AKAP6: variants seen among roughly 807,000 people sequenced by gnomAD.
AKAP6 encodes A-kinase anchor protein 6.
AKAP6 carries 58 observed loss-of-function variants against 188.5 expected under a neutral mutation model. That is an observed-to-expected ratio of 0.31 (90% CI 0.25 to 0.38). The LOEUF (loss-of-function observed/expected upper bound fraction) is 0.38, where lower values mean the gene tolerates loss of function less well. Among genes scored for constraint, AKAP6 ranks in the 10% least tolerant of loss-of-function variants. The pLI is 1.00. For missense variants in AKAP6, 2,710 were observed against 2,740.0 expected (o/e 0.99, Z 0.24); for synonymous variants, 989 against 998.6 (o/e 0.99, Z 0.18).
intron 11 of AKAP6, among the ~76,000 whole-genome samples, chr14:32,766,074 G>A (rs568963847): frequency 6.6e-6 from 1 of 152,102 alleles, no homozygotes; most frequent in Non-Finnish European, 1.5e-5. Context: ...CTATGTATTT[G>A]CCTATTCTGG....
At chr14:32,421,573 A>G (rs552574899) in intron 1 of AKAP6, among the ~76,000 whole-genome samples, 3 of 151,984 alleles carry the variant, frequency 2.0e-5, no homozygotes, top group Non-Finnish European at 4.4e-5. Flanking sequence ...TACCGAAATC[A>G]TATTTTCCAT....
intron 5 of AKAP6, among the ~76,000 whole-genome samples, chr14:32,594,695 A>G (rs1347433406): frequency 6.6e-6 from 1 of 152,196 alleles, no homozygotes; most frequent in Non-Finnish European, 1.5e-5. Context: ...CCTGAGGCAG[A>G]TAGCAGGTGA....
At chr14:32,811,412 G>A (rs955104349) in intron 12 of AKAP6, among the ~76,000 whole-genome samples, 1 of 151,904 alleles carries the variant, frequency 6.6e-6, no homozygotes, top group Admixed American at 6.6e-5. Flanking sequence ...TATTTGAGAG[G>A]AGCAAACAAG....
intron 11 of AKAP6, among the ~76,000 whole-genome samples, chr14:32,745,024 T>C (rs1018083915): frequency 2.6e-5 from 4 of 152,180 alleles, no homozygotes; most frequent in Non-Finnish European, 5.9e-5. Context: ...CTTGAATTCT[T>C]TGAGTTTTTG....
At chr14:32,581,151 T>G (rs1360479778) in intron 5 of AKAP6, among the ~76,000 whole-genome samples, 1 of 152,224 alleles carries the variant, frequency 6.6e-6, no homozygotes, top group African/African-American at 2.4e-5. Context: ...ATGGTTGAGC[T>G]AGTTTACAGT....
intron 11 of AKAP6, among the ~76,000 whole-genome samples, chr14:32,741,829 T>G (rs1182262722): frequency 2.7e-5 from 4 of 147,282 alleles, no homozygotes; most frequent in South Asian, 2.2e-4. Context: ...GTTTTTTTTT[T>G]TTTTTTTTTT....
At chr14:32,804,507 G>T (rs928091645) in intron 12 of AKAP6, among the ~76,000 whole-genome samples, 1 of 152,146 alleles carries the variant, frequency 6.6e-6, no homozygotes, top group Non-Finnish European at 1.5e-5. Context: ...GCTTCAAAGG[G>T]CAAAAAGCAG....
chr14:32,829,254 A>G (rs1314063204), intron 13 of AKAP6, among the ~76,000 whole-genome samples: 1 of 134,498 alleles, frequency 7.4e-6, no homozygotes, highest in Non-Finnish European at 1.7e-5. Context: ...TGTACCTTAA[A>G]TGAAATGCAT....
chr14:32,559,391 A>G (rs919131280), intron 4 of AKAP6, among the ~76,000 whole-genome samples: 5 of 152,204 alleles, frequency 3.3e-5, no homozygotes, highest in Admixed American at 3.3e-4. Flanking sequence ...GAAGGAAGAA[A>G]TCTGGGTTTT....
At chr14:32,480,156 A>G (rs1033252827) in intron 2 of AKAP6, among the ~76,000 whole-genome samples, 3 of 152,192 alleles carry the variant, frequency 2.0e-5, no homozygotes, top group African/African-American at 7.2e-5. Flanking sequence ...TTCCTAATTC[A>G]AACAAATGAT....
intron 2 of AKAP6, among the ~76,000 whole-genome samples, chr14:32,518,077 C>T (rs1881616610): frequency 6.6e-6 from 1 of 152,182 alleles, no homozygotes; most frequent in Non-Finnish European, 1.5e-5. Flanking sequence ...GATACCCAGG[C>T]AAACAGGTTC....
chr14:32,614,029 C>T (rs1886457939), intron 7 of AKAP6, among the ~76,000 whole-genome samples: 1 of 152,154 alleles, frequency 6.6e-6, no homozygotes. Flanking sequence ...TTAACTATTA[C>T]TATTAATCAG....
intron 7 of AKAP6, chr14:32,628,183 A>G (rs1887104973): frequency 6.6e-6 from 1 of 152,116 alleles, no homozygotes; most frequent in Non-Finnish European, 1.5e-5. Context: ...CAGGTTTCTC[A>G]GTGAGGAAAG....
intron 11 of AKAP6, among the ~76,000 whole-genome samples, chr14:32,747,977 T>C (rs968563535): frequency 9.2e-5 from 14 of 152,214 alleles, no homozygotes; most frequent in Admixed American, 9.2e-4. Flanking sequence ...TCAAGGGCTG[T>C]CATGCTAATC....
intron 7 of AKAP6, among the ~76,000 whole-genome samples, chr14:32,627,731 C>G (rs1887085020): frequency 6.6e-6 from 1 of 152,086 alleles, no homozygotes; most frequent in Non-Finnish European, 1.5e-5. Flanking sequence ...CCTGTTTGGA[C>G]TTTTCTTTGT....
chr14:32,791,703 T>C (rs2140056538), intron 12 of AKAP6, among the ~76,000 whole-genome samples: 1 of 152,312 alleles, frequency 6.6e-6, no homozygotes, highest in African/African-American at 2.4e-5. Context: ...CCCATGCCTA[T>C]GTCCTGAATG....
chr14:32,431,601 C>G (rs76249064), intron 1 of AKAP6, among the ~76,000 whole-genome samples: 3,062 of 152,294 alleles, frequency 0.02, 94 homozygotes, highest in African/African-American at 0.069. Flanking sequence ...CAACCTCCCC[C>G]TCCCGGGTTC....
At chr14:32,464,622 A>G (rs1041143707) in intron 2 of AKAP6, among the ~76,000 whole-genome samples, 4 of 152,230 alleles carry the variant, frequency 2.6e-5, no homozygotes, top group African/African-American at 9.6e-5. Context: ...ATTTATGACA[A>G]ACCCGTAACC....
chr14:32,783,223 A>T (rs2033305534), intron 12 of AKAP6, among the ~76,000 whole-genome samples: 1 of 152,170 alleles, frequency 6.6e-6, no homozygotes, highest in South Asian at 2.1e-4. Context: ...ACATAGATTG[A>T]TCCGTATAAT....
Sources: allele counts gnomAD v4.1 joint callset (sites outside exome capture counted in the v4.1 genomes callset), GRCh38; gene constraint gnomAD v4.1.1; transcripts MANE v1.5; gene names NCBI Gene and HGNC (gene_info 2026-07-23, HGNC 2026-07-21).